The following GABRA3 variants were observed in gnomAD, a reference collection of about 807,000 sequenced individuals.
GABRA3 encodes the protein gamma-aminobutyric acid type A receptor subunit alpha3.
Under a neutral mutation model 30.1 loss-of-function variants are expected in GABRA3, and 10 were observed. The ratio of observed to expected loss-of-function variants is 0.33; its 90% CI spans 0.20 to 0.56. GABRA3 has a LOEUF of 0.56. GABRA3 is among the 20% of genes least tolerant of loss of function. GABRA3 has a pLI of 0.89. For missense variants in GABRA3, 233 were observed against 392.0 expected (o/e 0.59, Z 3.42); for synonymous variants, 151 against 146.8 (o/e 1.03, Z -0.21).
chrX:152,230,263 CTAAA>C (rs775269072), intron 5 of GABRA3, among the ~76,000 whole-genome samples: 2 of 111,094 alleles, frequency 1.8e-5, no homozygotes, highest in Non-Finnish European at 3.8e-5. Context: ...ATAAAGCTGT[CTAAA>C]TAATTAGGCA....
intron 5 of GABRA3, among the ~76,000 whole-genome samples, chrX:152,226,642 A>C (rs2124383351): frequency 9.0e-6 from 1 of 111,650 alleles, no homozygotes; most frequent in South Asian, 3.8e-4. Flanking sequence ...ATCTGACAAA[A>C]GGCTAATATC....
At chrX:152,373,060 C>T (rs145130022) in intron 1 of GABRA3, among the ~76,000 whole-genome samples, 22 of 111,920 alleles carry the variant, frequency 2.0e-4, no homozygotes, top group African/African-American at 6.2e-4. Flanking sequence ...TGAAGCCTCC[C>T]GACACTGATT....
At chrX:152,360,713 A>AAAAAAAAAAAATT (rs1470938047) in intron 2 of GABRA3, among the ~76,000 whole-genome samples, 1 of 70,687 alleles carries the variant, frequency 1.4e-5, no homozygotes, top group Admixed American at 1.4e-4. Context: ...AAAAAAAATT[A>AAAAAAAAAAAATT]AAAAAAAAAA....
At chrX:152,353,878 C>T (rs189469627) in intron 2 of GABRA3, among the ~76,000 whole-genome samples, 1 of 111,664 alleles carries the variant, frequency 9.0e-6, no homozygotes, top group East Asian at 2.8e-4. Flanking sequence ...ACATCACCTA[C>T]AAAGTATCAT....
chrX:152,385,163 G>A (rs760099885), intron 1 of GABRA3, among the ~76,000 whole-genome samples: 5 of 111,713 alleles, frequency 4.5e-5, no homozygotes, highest in Non-Finnish European at 9.4e-5. Flanking sequence ...ACTTCAGGTA[G>A]GAGTATAAAA....
intron 1 of GABRA3, among the ~76,000 whole-genome samples, chrX:152,437,815 G>GA (rs1930814929): frequency 8.9e-6 from 1 of 111,748 alleles, no homozygotes; most frequent in African/African-American, 3.2e-5. Flanking sequence ...TCCACTTGCA[G>GA]AAAAAAGATG....
intron 2 of GABRA3, among the ~76,000 whole-genome samples, chrX:152,356,252 T>G (rs1004845973): frequency 8.9e-6 from 1 of 112,225 alleles, no homozygotes; most frequent in African/African-American, 3.2e-5. Context: ...AAATACTGAA[T>G]GTTGAGAACT....
chrX:152,231,246 CATACACGTATATGTATAT>C (rs990107361), intron 5 of GABRA3, among the ~76,000 whole-genome samples: 6 of 103,808 alleles, frequency 5.8e-5, no homozygotes, highest in South Asian at 4.3e-4. Context: ...CATATGTATA[CATACACGTATATGTATAT>C]ATACACGTAT....
chrX:152,200,561 G>A (rs149917521), intron 7 of GABRA3, among the ~76,000 whole-genome samples: 2,718 of 107,407 alleles, frequency 0.025, 58 homozygotes, highest in African/African-American at 0.077. Context: ...ACTTCTTTCC[G>A]TCCTTTCCCT....
chrX:152,369,237 A>G, intron 1 of GABRA3, among the ~76,000 whole-genome samples: 1 of 111,744 alleles, frequency 8.9e-6, no homozygotes, highest in Non-Finnish European at 1.9e-5. Flanking sequence ...GTGTCACCAT[A>G]AAAATTATAA....
At chrX:152,369,804 T>TA (rs1191928009) in intron 1 of GABRA3, among the ~76,000 whole-genome samples, 1 of 111,451 alleles carries the variant, frequency 9.0e-6, no homozygotes, top group African/African-American at 3.3e-5. Flanking sequence ...TGGTTTTTTT[T>TA]AAATTCAAAG....
chrX:152,376,937 C>G (rs1298574530), intron 1 of GABRA3, among the ~76,000 whole-genome samples: 1 of 111,177 alleles, frequency 9.0e-6, no homozygotes, highest in Non-Finnish European at 1.9e-5. Context: ...TAACAGAAAA[C>G]AGTGGGTGGA....
At chrX:152,247,871 A>G (rs1938484138) in intron 5 of GABRA3, among the ~76,000 whole-genome samples, 1 of 111,275 alleles carries the variant, frequency 9.0e-6, no homozygotes, top group Admixed American at 9.6e-5. Flanking sequence ...AATCCCCAAG[A>G]TATGTAAACT....
intron 5 of GABRA3, among the ~76,000 whole-genome samples, chrX:152,240,475 G>A (rs1392862042): frequency 1.2e-5 from 1 of 86,201 alleles, no homozygotes; most frequent in Non-Finnish European, 2.1e-5. Flanking sequence ...TATGTGTCTT[G>A]GAGTTGCTCT....
At chrX:152,388,723 T>C (rs1294621875) in intron 1 of GABRA3, among the ~76,000 whole-genome samples, 2 of 112,500 alleles carry the variant, frequency 1.8e-5, no homozygotes, top group Non-Finnish European at 3.8e-5. Context: ...ATACTGCATG[T>C]ATTTTTAAAA....
At chrX:152,252,659 A>T (rs1938576432) in intron 5 of GABRA3, among the ~76,000 whole-genome samples, 1 of 111,808 alleles carries the variant, frequency 8.9e-6, no homozygotes, top group Admixed American at 9.5e-5. Flanking sequence ...ACTTTAATTT[A>T]TCAGTCAAGA....
intron 3 of GABRA3, among the ~76,000 whole-genome samples, chrX:152,286,659 T>G (rs1939302671): frequency 8.9e-6 from 1 of 111,743 alleles, no homozygotes; most frequent in African/African-American, 3.2e-5. Context: ...TTTCTCACTT[T>G]CCAGAACCAT....
chrX:152,382,772 GACCATCCTTT>G (rs931538473), intron 1 of GABRA3, among the ~76,000 whole-genome samples: 2 of 111,537 alleles, frequency 1.8e-5, no homozygotes, highest in African/African-American at 6.5e-5. Context: ...TTATTAAAGA[GACCATCCTTT>G]ACCCATTGCA....
At chrX:152,405,457 G>A (rs1262297655) in intron 1 of GABRA3, among the ~76,000 whole-genome samples, 1 of 110,559 alleles carries the variant, frequency 9.0e-6, no homozygotes, top group Non-Finnish European at 1.9e-5. Flanking sequence ...GGTCTCAAAG[G>A]CAGTGGACGT....
Sources: allele counts gnomAD v4.1 joint callset (sites outside exome capture counted in the v4.1 genomes callset), GRCh38; gene constraint gnomAD v4.1.1; transcripts MANE v1.5; gene names NCBI Gene and HGNC (gene_info 2026-07-23, HGNC 2026-07-21).